CSMD3: variants seen among roughly 807,000 people sequenced by gnomAD.
The protein encoded by CSMD3 is CUB and Sushi multiple domains 3, also known as CUB and sushi domain-containing protein 3.
A neutral mutation model predicts 435.2 loss-of-function variants in CSMD3; 177 were observed. The ratio of observed to expected loss-of-function variants is 0.41; its 90% CI spans 0.36 to 0.46. CSMD3 has a LOEUF of 0.46. Among genes scored for constraint, CSMD3 ranks in the 20% least tolerant of loss-of-function variants. The pLI is 0.34. For missense variants in CSMD3, 4,265 were observed against 4,504.6 expected (o/e 0.95, Z 1.52); for synonymous variants, 1,656 against 1,520.5 (o/e 1.09, Z -2.07).
At chr8:112,592,270 C>CT (rs1357364123) in intron 22 of CSMD3, among the ~76,000 whole-genome samples, 1 of 151,890 alleles carries the variant, frequency 6.6e-6, no homozygotes, top group Non-Finnish European at 1.5e-5. Context: ...TATGCCCCTA[C>CT]TGAGAATATG....
chr8:112,591,138 C>T (rs1476893170), intron 22 of CSMD3, among the ~76,000 whole-genome samples: 1 of 152,040 alleles, frequency 6.6e-6, no homozygotes, highest in Non-Finnish European at 1.5e-5. Flanking sequence ...TTCCAGTGTA[C>T]ACATTGTATA....
intron 2 of CSMD3, among the ~76,000 whole-genome samples, chr8:113,292,827 C>T (rs1170937206): frequency 1.3e-5 from 2 of 150,116 alleles, no homozygotes; most frequent in Non-Finnish European, 3.0e-5. Flanking sequence ...TTGCACCAAC[C>T]TAATAAAAAA....
chr8:112,989,979 A>T lies in CSMD3; in HGVS notation c.1031-13831T>A, dbSNP rs376644766. ...TGTGGTAGTGAATAAGTCTCATGAG[A>T]TCGGATAGTTTTATAAATGGGAGAT... On this transcript the variant is annotated intron_variant, in intron 6 of 70. Transcript: ENST00000297405. Among the ~76,000 whole-genome samples, 36 of 151,932 alleles carry T rather than the reference A, an allele frequency of 2.4e-4. No individual in the cohort carries two copies. In the South Asian group the frequency reaches 7.3e-3, roughly 31 times the overall value.
chr8:112,268,719 A>G (rs377444670), intron 59 of CSMD3, among the ~76,000 whole-genome samples: 1 of 152,296 alleles, frequency 6.6e-6, no homozygotes, highest in Admixed American at 6.5e-5. Flanking sequence ...CTTGAGCATC[A>G]TTACATATGT....
intron 47 of CSMD3, among the ~76,000 whole-genome samples, chr8:112,317,493 C>T (rs1822584899): frequency 2.0e-5 from 3 of 151,934 alleles, no homozygotes; most frequent in African/African-American, 7.2e-5. Context: ...GGTTGAGCCT[C>T]TGTCTTCTCT....
chr8:113,117,475 A>T (rs2090867270), intron 4 of CSMD3, among the ~76,000 whole-genome samples: 1 of 152,224 alleles, frequency 6.6e-6, no homozygotes. Flanking sequence ...TGGAGCCCTC[A>T]TAAAGAATCT....
chr8:113,031,278 T>A (rs937852385), intron 5 of CSMD3, among the ~76,000 whole-genome samples: 1 of 151,630 alleles, frequency 6.6e-6, no homozygotes, highest in Non-Finnish European at 1.5e-5. Flanking sequence ...TTCAACAAAC[T>A]GTAGCATATC....
intron 6 of CSMD3, among the ~76,000 whole-genome samples, chr8:113,017,431 A>G (rs1372924614): frequency 1.0e-5 from 1 of 98,676 alleles, no homozygotes; most frequent in Non-Finnish European, 1.8e-5. Context: ...TTAATATTTG[A>G]GGTAGGAGAT....
intron 31 of CSMD3, among the ~76,000 whole-genome samples, chr8:112,492,078 CCA>C (rs1820759181): frequency 6.6e-6 from 1 of 152,100 alleles, no homozygotes; most frequent in African/African-American, 2.4e-5. Context: ...AGATTTATCA[CCA>C]GTTCTTAATA....
chr8:113,272,578 T>TTGGGG (rs1252510422), intron 3 of CSMD3, among the ~76,000 whole-genome samples: 1 of 152,190 alleles, frequency 6.6e-6, no homozygotes, highest in Admixed American at 6.5e-5. Flanking sequence ...AGAAATGTGT[T>TTGGGG]TTGCCTTCTG....
intron 61 of CSMD3, among the ~76,000 whole-genome samples, chr8:112,263,072 T>G (rs1473498012): frequency 6.6e-6 from 1 of 151,966 alleles, no homozygotes; most frequent in African/African-American, 2.4e-5. Context: ...TTTGTTTTGT[T>G]TTGTGTTCTT....
intron 35 of CSMD3, among the ~76,000 whole-genome samples, chr8:112,395,665 T>C (rs1235033224): frequency 6.6e-6 from 1 of 152,076 alleles, no homozygotes; most frequent in Non-Finnish European, 1.5e-5. Context: ...AAAAAAGACC[T>C]CCCACTAACA....
At chr8:112,277,452 G>A (rs1391066459) in intron 59 of CSMD3, among the ~76,000 whole-genome samples, 3 of 152,148 alleles carry the variant, frequency 2.0e-5, no homozygotes, top group Non-Finnish European at 4.4e-5. Context: ...ATCATTATCA[G>A]CATTTTGCTC....
chr8:113,099,217 C>A (rs2090260382), intron 4 of CSMD3, among the ~76,000 whole-genome samples: 1 of 151,950 alleles, frequency 6.6e-6, no homozygotes, highest in Non-Finnish European at 1.5e-5. Context: ...AGCAAAAAAT[C>A]TACACTCTAA....
chr8:112,406,488 T>C, intron 35 of CSMD3, 36 bp downstream of exon 35: 1 of 1,406,608 alleles, frequency 7.1e-7, no homozygotes, highest in Non-Finnish European at 1.0e-6. Flanking sequence ...ATATAAACTA[T>C]GTATAATCAC....
intron 13 of CSMD3, among the ~76,000 whole-genome samples, chr8:112,793,292 G>A (rs34742539): frequency 0.027 from 4,087 of 149,780 alleles, 82 homozygotes; most frequent in East Asian, 0.074. Flanking sequence ...GGTAGCAGAA[G>A]GTAATCCTCA....
chr8:112,737,683 G>A (rs1166120792), intron 13 of CSMD3, among the ~76,000 whole-genome samples: 1 of 151,772 alleles, frequency 6.6e-6, no homozygotes, highest in Non-Finnish European at 1.5e-5. Flanking sequence ...AAAGAACAGT[G>A]GTTGTGATGA....
intron 27 of CSMD3, among the ~76,000 whole-genome samples, chr8:112,520,877 A>C (rs995055885): frequency 6.6e-6 from 1 of 151,932 alleles, no homozygotes; most frequent in Non-Finnish European, 1.5e-5. Flanking sequence ...AGGGTAAAGC[A>C]ATAGATAGAA....
intron 22 of CSMD3, among the ~76,000 whole-genome samples, chr8:112,608,317 A>G (rs1337866646): frequency 6.6e-6 from 1 of 152,112 alleles, no homozygotes; most frequent in Non-Finnish European, 1.5e-5. Flanking sequence ...AAAAATTAAC[A>G]TCCTGTGTTC....
Sources: gnomAD v4.1 joint callset for allele counts (sites outside exome capture counted in the v4.1 genomes callset) on GRCh38, gnomAD v4.1.1 for gene constraint, MANE v1.5 for transcripts, NCBI Gene and HGNC (gene_info 2026-07-23, HGNC 2026-07-21) for gene names.